TMEM233: variants seen among roughly 807,000 people sequenced by gnomAD.
TMEM233 encodes the protein dispanin subfamily B member 2.
TMEM233 carries 6 observed loss-of-function variants against 11.2 expected under a neutral mutation model. The ratio of observed to expected loss-of-function variants is 0.54; its 90% confidence interval spans 0.29 to 1.06. The LOEUF (loss-of-function observed/expected upper bound fraction) is 1.06. Ranked by LOEUF, TMEM233 falls within the 50% of genes least tolerant of loss-of-function variation. The probability of loss-of-function intolerance (pLI) is 0.08; values close to 1 mark genes in which losing one functional copy is unlikely to be tolerated. For missense variants in TMEM233, 127 were observed against 144.7 expected (o/e 0.88, Z 0.63); for synonymous variants, 59 against 55.8 (o/e 1.06, Z -0.26).
chr12:119,606,612 G>C (rs1271427498), intron 1 of TMEM233, among the ~76,000 whole-genome samples: 1 of 152,034 alleles, frequency 6.6e-6, no homozygotes, highest in Admixed American at 6.6e-5. Flanking sequence ...AAAATGTAAA[G>C]TTCCCGAAAA....
chr12:119,650,580 C>T, the TMEM233 span, among the ~76,000 whole-genome samples: 13 of 151,778 alleles, frequency 8.6e-5, no homozygotes, highest in Non-Finnish European at 2.9e-5. Context: ...CTTTTACGGC[C>T]GATTTGCATT....
At chr12:119,628,647 C>T (rs1340713094) in intron 1 of TMEM233, among the ~76,000 whole-genome samples, 1 of 151,852 alleles carries the variant, frequency 6.6e-6, no homozygotes, top group African/African-American at 2.4e-5. Context: ...CTATAGGCGC[C>T]CGCCACCACG....
chr12:119,621,986 G>A (rs1954653143), intron 1 of TMEM233, among the ~76,000 whole-genome samples: 1 of 152,176 alleles, frequency 6.6e-6, no homozygotes, highest in Non-Finnish European at 1.5e-5. Flanking sequence ...ATCCACAAAG[G>A]AAGTAACCCG....
intron 1 of TMEM233, among the ~76,000 whole-genome samples, chr12:119,603,899 G>A (rs143693480): frequency 6.6e-6 from 1 of 152,302 alleles, no homozygotes; most frequent in Admixed American, 6.5e-5. Context: ...ACTGTGTTCT[G>A]CATTCCTGCC....
intron 1 of TMEM233, among the ~76,000 whole-genome samples, chr12:119,626,858 A>G (rs1189569847): frequency 1.3e-5 from 2 of 152,232 alleles, no homozygotes; most frequent in Non-Finnish European, 2.9e-5. Flanking sequence ...CATTCAGTCA[A>G]TAACATATTT....
rs80188728 is a variant in TMEM233, at chr12:119,635,018, T to C, written c.323+5146T>C. Among the ~76,000 whole-genome samples, 207 of 152,356 alleles carry C rather than the reference T, an allele frequency of 1.4e-3. 2 individuals carry two copies. The East Asian group carries it at 0.033, about 24-fold the overall frequency. On this transcript the variant is annotated intron_variant, in intron 2 of 2. Transcript: ENST00000426426. Reference sequence around the variant, plus strand: ...AATTGTTCTTGTCCAGACAGAATCATGAACTTGCAGTCTTTCAAAGTCAGA... The same window carrying C: ...AATTGTTCTTGTCCAGACAGAATCACGAACTTGCAGTCTTTCAAAGTCAGA...
chr12:119,618,913 T>C (rs1173876462), intron 1 of TMEM233, among the ~76,000 whole-genome samples: 7 of 152,114 alleles, frequency 4.6e-5, no homozygotes, highest in Non-Finnish European at 1.0e-4. Flanking sequence ...GACATGAGAT[T>C]TGAGAGGGGC....
intron 1 of TMEM233, among the ~76,000 whole-genome samples, chr12:119,618,164 T>C (rs549016534): frequency 1.6e-3 from 248 of 152,286 alleles, no homozygotes; most frequent in African/African-American, 5.5e-3. Flanking sequence ...GCAGCTTCCA[T>C]GTGGTGTTAG....
intron 1 of TMEM233, among the ~76,000 whole-genome samples, chr12:119,629,335 G>A (rs1000288931): frequency 5.9e-5 from 9 of 152,146 alleles, no homozygotes; most frequent in South Asian, 2.1e-4. Context: ...GCTTGAACCC[G>A]GGAGGCGGAG....
intron 1 of TMEM233, among the ~76,000 whole-genome samples, chr12:119,606,658 C>A (rs145187284): frequency 1.5e-4 from 23 of 152,140 alleles, no homozygotes; most frequent in African/African-American, 5.3e-4. Context: ...ACAAAGAAAG[C>A]CTCACCAAGA....
At chr12:119,651,869 A>G in the TMEM233 span, among the ~76,000 whole-genome samples, 1 of 150,940 alleles carries the variant, frequency 6.6e-6, no homozygotes, top group African/African-American at 2.4e-5. Context: ...AGTAAACAGT[A>G]GCTCTTAGAA....
rs372342640 is a variant in TMEM233 at position 119,594,151 on chromosome 12, G to C, written c.186+117G>C. ...CTTCCTCACGGCCCGGCCCGCGCTAGGTGTTCTTTGTCCTCGCACCTCCTC... is the reference window on the plus strand; with the variant it reads ...CTTCCTCACGGCCCGGCCCGCGCTACGTGTTCTTTGTCCTCGCACCTCCTC... On this transcript the variant is annotated intron_variant, in intron 1 of 2. Transcript: ENST00000426426. This position sits in a 1 kb window ranked among gnomAD's most constrained non-coding sequence, Gnocchi z 5.6. 339 of 1,056,808 alleles carry C rather than the reference G, an allele frequency of 3.2e-4. No individual in the cohort carries two copies. In the African/African-American group the frequency reaches 4.9e-3, roughly 15 times the overall value. The allele number at this position is 1,056,808 out of a possible 1,614,324, so 65.5% of individuals were successfully genotyped here.
chr12:119,634,861 A>T (rs1954943472), intron 2 of TMEM233, among the ~76,000 whole-genome samples: 1 of 152,190 alleles, frequency 6.6e-6, no homozygotes, highest in Admixed American at 6.5e-5. Flanking sequence ...ATTTTACAGG[A>T]TATCTATGTA....
rs1043694717 is a variant in TMEM233, at chr12:119,642,137, T to C, written c.*1432T>C. ...CTTCAAAGAATTAATGTCAGAAAGA[T>C]GGTGATAATGAAGCAAAAGAAAGGC... On this transcript the variant is annotated 3_prime_UTR_variant, in exon 3 of 3. Transcript: ENST00000426426. 2 of 152,100 alleles carry C rather than the reference T, an allele frequency of 1.3e-5. No individual in the cohort carries two copies. The highest frequency in any genetic ancestry group is 4.8e-5 in the African/African-American group (2 of 41,414). 9.4% of individuals were successfully genotyped at this position (152,100 alleles called of 1,614,324 possible).
chr12:119,647,142 C>T (rs1316465533), downstream of TMEM233, among the ~76,000 whole-genome samples: 2 of 152,140 alleles, frequency 1.3e-5, no homozygotes, highest in African/African-American at 4.8e-5. Flanking sequence ...GCAATCCTCC[C>T]ACCTCTGCCT....
chr12:119,613,343 G>T (rs1189248361), intron 1 of TMEM233, among the ~76,000 whole-genome samples: 1 of 152,172 alleles, frequency 6.6e-6, no homozygotes, highest in Non-Finnish European at 1.5e-5. Flanking sequence ...CCGGAGCAAT[G>T]AATACATTGA....
At chr12:119,626,045 T>G (rs1039645645) in intron 1 of TMEM233, among the ~76,000 whole-genome samples, 1 of 152,112 alleles carries the variant, frequency 6.6e-6, no homozygotes, top group Admixed American at 6.6e-5. Flanking sequence ...TGTGTTTGGG[T>G]GGGTGGGTGT....
At chr12:119,625,107 A>G (rs1209386732) in intron 1 of TMEM233, among the ~76,000 whole-genome samples, 1 of 152,192 alleles carries the variant, frequency 6.6e-6, no homozygotes, top group Non-Finnish European at 1.5e-5. Context: ...ATTCCTCTTC[A>G]TTGTTGAGTC....
rs780430230 is a variant in TMEM233 at position 119,619,734 on chromosome 12, TA to T, written c.187-10001del. On this transcript the variant is annotated intron_variant, in intron 1 of 2. Transcript: ENST00000426426. ...TCACTATAATAATAGTATTTTAAAA[TA>T]TTTTTTGAAGACAGCTTTGAATAAT... Among the ~76,000 whole-genome samples the T allele has an allele frequency of 6.7e-4, 102 of 152,242 alleles. 1 individual carries two copies. The highest frequency in any genetic ancestry group is 1.1e-3 in the Non-Finnish European group (75 of 68,004).
Sources: gnomAD v4.1 joint callset for allele counts (sites outside exome capture counted in the v4.1 genomes callset) on GRCh38, gnomAD v4.1.1 for gene constraint, Gnocchi (gnomAD v3.1) non-coding constraint, MANE v1.5 for transcripts, NCBI Gene and HGNC (gene_info 2026-07-23, HGNC 2026-07-21) for gene names.